Variants in EEF2 observed in about 807,000 individuals in gnomAD.
The protein encoded by EEF2 is eukaryotic translation elongation factor 2.
Under a neutral mutation model 85.3 loss-of-function variants are expected in EEF2, and 21 were observed. That is an observed-to-expected ratio of 0.25 (90% CI 0.17 to 0.35). The LOEUF (loss-of-function observed/expected upper bound fraction) is 0.35. Among genes scored for constraint, EEF2 ranks in the 10% least tolerant of loss-of-function variants. EEF2 has a pLI of 1.00. For missense variants in EEF2, 825 were observed against 1,225.3 expected (o/e 0.67, Z 4.88); for synonymous variants, 723 against 508.8 (o/e 1.42, Z -5.67).
In EEF2 at chr19:3,979,451, G is replaced by T; in HGVS notation, c.1606-15C>A. The T allele has an allele frequency of 2.5e-6, 4 of 1,609,446 alleles. No individual in the cohort carries two copies. Among genetic ancestry groups the T allele is most frequent in the Non-Finnish European group, 3.4e-6 (4 of 1,177,584 alleles). On this transcript the variant is annotated splice_polypyrimidine_tract_variant and intron_variant, in intron 10 of 14. Transcript: ENST00000309311. ...TCGATGATGCACTGAAAGGGATGCG[G>T]GTCAGCACCAAAGGGGTAGGCGGCT...
Position 3,981,404 on chromosome 19 carries a change from T to C in EEF2, c.946A>G (p.Ile316Val), listed in dbSNP as rs757096142. 3 of 1,614,240 alleles carry C rather than the reference T, an allele frequency of 1.9e-6. No individual in the cohort carries two copies. The highest frequency in any genetic ancestry group is 2.5e-6 in the Non-Finnish European group (3 of 1,180,044). The change falls in exon 7 of 15, where the codon ATA becomes GTA. Residue 316 changes from isoleucine (I) to valine (V), a missense_variant. Coordinates refer to ENST00000309311, the MANE Select transcript of EEF2 (RefSeq NM_001961.4). The part of the protein sequence containing the change: ...NFKKEETAKL[I>V]EKLDIKLDSE... ...TCCAGTTTGATGTCCAGTTTCTCTA[T>C]CAGTTTTGCTGTCTCCTCTTTCTTG...
rs754427542 is a variant in EEF2, at chr19:3,976,756, G to T, written c.2384-9C>A. The T allele has an allele frequency of 1.9e-6, 3 of 1,546,416 alleles. No individual in the cohort carries two copies. The highest frequency in any genetic ancestry group is 2.6e-6 in the Non-Finnish European group (3 of 1,152,546). Reference sequence around the variant, plus strand: ...CAGGTCAGCGGTGAAGCCTGCAGAGGGAAGCGAGAGGCTCACTGGGCCATC... The same window carrying T: ...CAGGTCAGCGGTGAAGCCTGCAGAGTGAAGCGAGAGGCTCACTGGGCCATC... On this transcript the variant is annotated splice_polypyrimidine_tract_variant and intron_variant, in intron 14 of 14. Coordinates refer to ENST00000309311, the MANE Select transcript of EEF2 (RefSeq NM_001961.4).
chr19:3,981,595 C>T, intron 6 of EEF2, 143 bp from the exon 7 acceptor site: 1 of 785,530 alleles, frequency 1.3e-6, no homozygotes, highest in Non-Finnish European at 2.1e-6. Context: ...CTACCACGGG[C>T]CCAGCCAGCT....
intron 2 of EEF2, 107 bp downstream of exon 2, chr19:3,984,029 G>T: frequency 8.4e-7 from 1 of 1,192,966 alleles, no homozygotes; most frequent in Non-Finnish European, 1.2e-6. Flanking sequence ...TAAGAAACCA[G>T]GGGAAAGAGA....
intron 5 of EEF2, 60 bp downstream of exon 5, chr19:3,982,186 T>C: frequency 1.2e-6 from 2 of 1,605,568 alleles, no homozygotes; most frequent in Non-Finnish European, 1.7e-6. Context: ...ACCACGCCCC[T>C]ACGTCGCTGC....
Position 3,981,447 on chromosome 19 carries a change from A to C in EEF2, c.903T>G (p.Phe301Leu), listed in dbSNP as rs375845489. 2.5e-6 allele frequency: 4 copies of C among 1,613,688 alleles called. No homozygotes were observed. In the Admixed American group the frequency reaches 5.0e-5, roughly 20 times the overall value. ...CTTTCTTGAAATTCATGATCGCATC[A>C]AACACCTACATTCCCCACCAAGAAA... is the stretch of plus-strand genomic sequence containing the variant. The part of the protein sequence containing the change: ...QLILDPIFKV[F>L]DAIMNFKKEE... The change falls in exon 7 of 15, where the codon TTT (phenylalanine) becomes TTG (leucine). Residue 301 changes from phenylalanine (F) to leucine (L), a missense_variant. By Grantham distance (22) the Phe-to-Leu change is conservative. Transcript: ENST00000309311.
Position 3,982,230 on chromosome 19 carries a change from A to G in EEF2, c.791+16T>C. ...CCAGGTGTCAGGAATCCCCCACCATATCCCGCGGGGCTCACCTGTCACCCC... is the reference window on the plus strand; with the variant it reads ...CCAGGTGTCAGGAATCCCCCACCATGTCCCGCGGGGCTCACCTGTCACCCC... On this transcript the variant is annotated intron_variant, in intron 5 of 14. Transcript: ENST00000309311. 1 of 1,613,098 alleles carries G rather than the reference A, an allele frequency of 6.2e-7. No individual in the cohort carries two copies. Among genetic ancestry groups the G allele is most frequent in the Non-Finnish European group, 8.5e-7 (1 of 1,179,324 alleles).
chr19:3,984,662 G>C, intron 1 of EEF2: 1 of 343,492 alleles, frequency 2.9e-6, no homozygotes, highest in Non-Finnish European at 5.5e-6. Context: ...GGCCAAACAC[G>C]TAAGGGATGA....
intron 4 of EEF2, 25 bp downstream of exon 4, chr19:3,982,782 A>C: frequency 6.3e-7 from 1 of 1,597,326 alleles, no homozygotes; most frequent in Non-Finnish European, 8.5e-7. Context: ...CGGCAAGCCC[A>C]CCACCCAGCT....
intron 7 of EEF2, 58 bp downstream of exon 7, chr19:3,981,281 G>A (rs2039742646): frequency 3.3e-6 from 5 of 1,533,386 alleles, no homozygotes; most frequent in Non-Finnish European, 4.5e-6. Flanking sequence ...GGCTGTCAGA[G>A]CATCCGGAAA....
chr19:3,978,804 A>AAC (rs1491462578), intron 11 of EEF2, among the ~76,000 whole-genome samples: 2 of 33,286 alleles, frequency 6.0e-5, no homozygotes, highest in Non-Finnish European at 9.7e-5. Flanking sequence ...CTCTTGTCTC[A>AAC]AAAAAAAAAA....
At chr19:3,983,879 T>C (rs1320410259) in intron 2 of EEF2, 4 of 528,116 alleles carry the variant, frequency 7.6e-6, no homozygotes, top group Admixed American at 3.2e-5. Context: ...ATTGTAGGAG[T>C]GGGGGCAAGT....
chr19:3,982,213 C>T (rs761837810), intron 5 of EEF2, 33 bp downstream of exon 5: 1 of 1,611,282 alleles, frequency 6.2e-7, no homozygotes, highest in Non-Finnish European at 8.5e-7. Flanking sequence ...CCCCAGGTGT[C>T]AGGAATCCCC....
intron 10 of EEF2, 163 bp from the exon 11 acceptor site, chr19:3,979,599 C>G (rs891262384): frequency 2.1e-6 from 2 of 937,014 alleles, no homozygotes; most frequent in African/African-American, 1.7e-5. Flanking sequence ...TTAAGTCCCA[C>G]AAGCTACAGT....
At chr19:3,981,850 A>T in intron 6 of EEF2, 97 bp downstream of exon 6, 1 of 1,108,770 alleles carries the variant, frequency 9.0e-7, no homozygotes, top group African/African-American at 1.6e-5. Context: ...CCCCACAAGG[A>T]GACGGGCCCA....
In EEF2 at chr19:3,977,202, G is replaced by C; in HGVS notation, c.2383+13C>G. ...CTGCCAGGCTCTGCAGGCCACACCGGGCAGGCACTCACCAAAGGACTCGTT... is the reference window on the plus strand; with the variant it reads ...CTGCCAGGCTCTGCAGGCCACACCGCGCAGGCACTCACCAAAGGACTCGTT... On this transcript the variant is annotated intron_variant, in intron 14 of 14. Transcript: ENST00000309311. The surrounding 1 kb of genome is among the most constrained non-coding windows in gnomAD (Gnocchi z 5.4). 1 of 1,612,336 alleles carries C rather than the reference G, an allele frequency of 6.2e-7. No homozygotes were observed. Among genetic ancestry groups the C allele is most frequent in the Non-Finnish European group, 8.5e-7 (1 of 1,179,286 alleles).
chr19:3,978,803 C>CAAAA (rs58074233), intron 11 of EEF2, among the ~76,000 whole-genome samples: 1,654 of 36,626 alleles, frequency 0.045, 320 homozygotes, highest in African/African-American at 0.095. Flanking sequence ...ACTCTTGTCT[C>CAAAA]AAAAAAAAAA....
intron 4 of EEF2, 81 bp downstream of exon 4, chr19:3,982,726 C>G (rs1210601302): frequency 1.4e-6 from 2 of 1,455,630 alleles, no homozygotes; most frequent in East Asian, 4.9e-5. Context: ...CTTCCAGTCC[C>G]CCTCAGCTCA....
intron 11 of EEF2, among the ~76,000 whole-genome samples, chr19:3,978,789 C>A (rs1472071019): frequency 5.1e-5 from 5 of 97,830 alleles, no homozygotes; most frequent in Middle Eastern, 0.022. Flanking sequence ...AGCAACAGAG[C>A]AAGACTCTTG....
Sources: allele counts gnomAD v4.1 joint callset (sites outside exome capture counted in the v4.1 genomes callset), GRCh38; gene constraint gnomAD v4.1.1; non-coding constraint Gnocchi (gnomAD v3.1); transcripts MANE v1.5; gene names NCBI Gene and HGNC (gene_info 2026-07-23, HGNC 2026-07-21).